Variants in BCR observed in about 807,000 individuals in gnomAD.
BCR encodes the protein breakpoint cluster region protein.
In BCR, 58 loss-of-function variants were observed where a neutral mutation model predicts 138.6. The observed-to-expected ratio is 0.42, with a 90% CI of 0.34 to 0.52. BCR has a LOEUF of 0.52. BCR is among the 20% of genes least tolerant of loss of function. The probability of loss-of-function intolerance (pLI) is 0.06; values close to 1 mark genes in which losing one functional copy is unlikely to be tolerated. For synonymous variants in BCR, 786 were observed against 730.1 expected (o/e 1.08, Z -1.23); for missense variants, 1,599 against 1,727.2 (o/e 0.93, Z 1.32).
chr22:23,310,122 C>T, intron 17 of BCR: 1 of 519,044 alleles, frequency 1.9e-6, no homozygotes. Flanking sequence ...TCTGCAGAAA[C>T]CAGTCGTTTA....
chr22:23,260,840 G>A (rs2073348323), intron 2 of BCR, 110 bp from the exon 3 acceptor site: 2 of 992,922 alleles, frequency 2.0e-6, no homozygotes, highest in Non-Finnish European at 3.2e-6. Flanking sequence ...CTTTGTGGGG[G>A]CAGGGGTTTG....
At chr22:23,280,916 A>G (rs2073636275) in intron 8 of BCR, among the ~76,000 whole-genome samples, 1 of 152,222 alleles carries the variant, frequency 6.6e-6, no homozygotes, top group South Asian at 2.1e-4. Flanking sequence ...TACTTGCACC[A>G]GGACACACAC....
chr22:23,221,306 G>T (rs570269390), intron 1 of BCR, among the ~76,000 whole-genome samples: 1 of 152,304 alleles, frequency 6.6e-6, no homozygotes, highest in South Asian at 2.1e-4. Context: ...CCTTTGCTTT[G>T]CAGAGGAGCC....
chr22:23,205,043 T>G (rs6003552), intron 1 of BCR, among the ~76,000 whole-genome samples: 10,903 of 152,226 alleles, frequency 0.072, 1,306 homozygotes, highest in African/African-American at 0.25. Context: ...AGGCCATAAT[T>G]TACCTTTGTT....
At chr22:23,234,201 T>C (rs2072995627) in intron 1 of BCR, among the ~76,000 whole-genome samples, 1 of 152,138 alleles carries the variant, frequency 6.6e-6, no homozygotes, top group Admixed American at 6.5e-5. Context: ...TGAGTTGTGT[T>C]TTTCTGCGAC....
At chr22:23,264,327 A>C (rs1271399916) in intron 4 of BCR, 2 of 989,392 alleles carry the variant, frequency 2.0e-6, no homozygotes, top group African/African-American at 1.6e-5. Flanking sequence ...GCTGTCTTAC[A>C]ACCTCCACGT....
At chr22:23,259,920 C>T (rs1391598981) in intron 2 of BCR, among the ~76,000 whole-genome samples, 13 of 152,108 alleles carry the variant, frequency 8.5e-5, no homozygotes, top group Admixed American at 7.2e-4. Context: ...CCTGGGCTCT[C>T]AAGGCTGCAG....
intron 4 of BCR, 119 bp from the exon 5 acceptor site, chr22:23,268,289 G>C: frequency 1.3e-6 from 1 of 763,330 alleles, no homozygotes; most frequent in Non-Finnish European, 2.1e-6. Flanking sequence ...GGCCTCTGCA[G>C]CCTGTGTGCC....
intron 21 of BCR, 104 bp downstream of exon 21, chr22:23,314,177 C>A (rs1415751757): frequency 1.1e-6 from 1 of 926,706 alleles, no homozygotes; most frequent in Non-Finnish European, 1.7e-6. Context: ...TTTCTCCTGA[C>A]CCTTGTCTGC....
intron 16 of BCR, chr22:23,307,656 G>A (rs1295954490): frequency 4.9e-4 from 74 of 151,304 alleles, no homozygotes; most frequent in African/African-American, 1.7e-3. Context: ...GCCTGTGGCC[G>A]CATGGCCCCC....
chr22:23,303,952 T>TA (rs1568983295), intron 16 of BCR, among the ~76,000 whole-genome samples: 7 of 149,892 alleles, frequency 4.7e-5, no homozygotes, highest in Admixed American at 1.3e-4. Context: ...TTTTTTTTTT[T>TA]AAGACAGGGT....
intron 1 of BCR, among the ~76,000 whole-genome samples, chr22:23,203,299 G>T (rs531278544): frequency 6.6e-6 from 1 of 152,268 alleles, no homozygotes; most frequent in South Asian, 2.1e-4. Flanking sequence ...TCCTGCCCCA[G>T]TTTACCCTTG....
At chr22:23,263,532 A>G (rs2073398067) in intron 4 of BCR, 1 of 1,576,638 alleles carries the variant, frequency 6.3e-7, no homozygotes, top group Non-Finnish European at 8.7e-7. Flanking sequence ...GGCTAATTTC[A>G]TCCTGGCCTA....
At chr22:23,315,353 C>T (rs2074057831) in intron 22 of BCR, 80 bp from the exon 23 acceptor site, 1 of 1,331,070 alleles carries the variant, frequency 7.5e-7, no homozygotes, top group Non-Finnish European at 1.1e-6. Flanking sequence ...GACTTGGAGG[C>T]TTGGGCCCCA....
At chr22:23,296,817 C>T (rs1440800338) in intron 16 of BCR, among the ~76,000 whole-genome samples, 2 of 152,346 alleles carry the variant, frequency 1.3e-5, no homozygotes, top group South Asian at 2.1e-4. Flanking sequence ...TCTCCTGTCG[C>T]TGTCCCACTG....
intron 4 of BCR, among the ~76,000 whole-genome samples, chr22:23,265,748 T>C (rs1026362445): frequency 2.0e-5 from 3 of 152,222 alleles, no homozygotes; most frequent in Non-Finnish European, 2.9e-5. Flanking sequence ...CTTTATCTCT[T>C]TCTGTGCACA....
intron 16 of BCR, among the ~76,000 whole-genome samples, chr22:23,303,519 G>A (rs979935924): frequency 1.1e-4 from 16 of 152,246 alleles, no homozygotes; most frequent in African/African-American, 3.9e-4. Context: ...TGTGGCAGAG[G>A]CACCAATAGG....
chr22:23,209,156 A>G (rs1466737394), intron 1 of BCR, among the ~76,000 whole-genome samples: 1 of 152,028 alleles, frequency 6.6e-6, no homozygotes, highest in Non-Finnish European at 1.5e-5. Flanking sequence ...TCAGGAGTTC[A>G]AGACCACCCA....
chr22:23,242,322 C>T (rs1255781753), intron 1 of BCR, among the ~76,000 whole-genome samples: 2 of 152,126 alleles, frequency 1.3e-5, no homozygotes, highest in African/African-American at 4.8e-5. Flanking sequence ...TATTCAGGCC[C>T]ACTGCAGCCC....
Sources: allele counts gnomAD v4.1 joint callset (sites outside exome capture counted in the v4.1 genomes callset), GRCh38; gene constraint gnomAD v4.1.1; transcripts MANE v1.5; gene names NCBI Gene and HGNC (gene_info 2026-07-23, HGNC 2026-07-21).